TRA2A: variants seen among roughly 807,000 people sequenced by gnomAD.
The protein encoded by TRA2A is transformer 2 alpha homolog.
TRA2A carries 31 observed loss-of-function variants against 45.7 expected under a neutral mutation model. The ratio of observed to expected loss-of-function variants is 0.68; its 90% confidence interval spans 0.51 to 0.92. The LOEUF (loss-of-function observed/expected upper bound fraction) is 0.92. Among genes scored for constraint, TRA2A ranks in the 40% least tolerant of loss-of-function variants. The pLI, the probability that TRA2A is intolerant of heterozygous loss-of-function variation, is 0.00. For synonymous variants in TRA2A, 132 were observed against 126.2 expected (o/e 1.05, Z -0.31); for missense variants, 304 against 367.5 (o/e 0.83, Z 1.41).
intron 1 of TRA2A, among the ~76,000 whole-genome samples, chr7:23,530,277 T>TC (rs1485556016): frequency 1.3e-5 from 2 of 152,152 alleles, no homozygotes; most frequent in Non-Finnish European, 2.9e-5. Context: ...GTTTCCATGC[T>TC]CCAAACTTTG....
At chr7:23,517,477 CAAAAAAAAAAAAAA>C (rs70954385) in intron 2 of TRA2A, among the ~76,000 whole-genome samples, 2 of 13,940 alleles carry the variant, frequency 1.4e-4, no homozygotes, top group South Asian at 2.5e-3. Flanking sequence ...GACTACGTCT[CAAAAAAAAAAAAAA>C]AAAAAAAAAA....
chr7:23,528,656 C>A (rs1790439878), intron 1 of TRA2A, among the ~76,000 whole-genome samples: 1 of 151,682 alleles, frequency 6.6e-6, no homozygotes, highest in African/African-American at 2.4e-5. Context: ...CAAATTGATA[C>A]AGATAAATTT....
At chr7:23,520,133 T>A (rs1054209069) in intron 2 of TRA2A, among the ~76,000 whole-genome samples, 1 of 152,000 alleles carries the variant, frequency 6.6e-6, no homozygotes, top group Non-Finnish European at 1.5e-5. Flanking sequence ...GGAGAACTGC[T>A]TGAACCCGGG....
intron 3 of TRA2A, among the ~76,000 whole-genome samples, chr7:23,513,920 G>A (rs1392946904): frequency 6.6e-6 from 1 of 152,030 alleles, no homozygotes; most frequent in Non-Finnish European, 1.5e-5. Context: ...TGTTGAGAAA[G>A]GTAAAAACAC....
intron 1 of TRA2A, 102 bp from the exon 2 acceptor site, chr7:23,521,942 C>G: frequency 6.6e-7 from 1 of 1,517,800 alleles, no homozygotes; most frequent in Non-Finnish European, 8.9e-7. Flanking sequence ...TCCTGAAAAA[C>G]AAATGGTTAG....
intron 3 of TRA2A, among the ~76,000 whole-genome samples, chr7:23,515,027 A>AT (rs1300148574): frequency 2.6e-5 from 4 of 151,832 alleles, no homozygotes; most frequent in African/African-American, 7.3e-5. Flanking sequence ...CCAAGACTCA[A>AT]TTTTTTTTAT....
chr7:23,511,587 G>A (rs937672203), intron 4 of TRA2A, among the ~76,000 whole-genome samples: 1 of 151,746 alleles, frequency 6.6e-6, no homozygotes, highest in Non-Finnish European at 1.5e-5. Context: ...TTTTAGTAAA[G>A]AGTAAGCGAG....
chr7:23,529,935 G>A (rs1220840417), intron 1 of TRA2A, among the ~76,000 whole-genome samples: 1 of 150,320 alleles, frequency 6.7e-6, no homozygotes, highest in Non-Finnish European at 1.5e-5. Flanking sequence ...TTCTTAGGAG[G>A]GAAAAGTGAC....
Position 23,521,816 on chromosome 7 carries a change from G to T in TRA2A, c.61C>A (p.Pro21Thr). ...TTTACACGAGCAGGAGTTCCCGTTG[G>T]AGATTTTGACTGAGAGCGAGACTCC... ...GRESRSQSKS[P>T]TGTPARVKSE... The change falls in exon 2 of 8, where the codon CCA becomes ACA. Residue 21 changes from proline to threonine, a missense_variant. By Grantham distance (38) the Pro-to-Thr change is conservative. Transcript: ENST00000297071. 3 of 1,614,118 alleles carry T rather than the reference G, an allele frequency of 1.9e-6. No individual in the cohort carries two copies. The highest frequency in any genetic ancestry group is 2.5e-6 in the Non-Finnish European group (3 of 1,180,042).
intron 4 of TRA2A, among the ~76,000 whole-genome samples, chr7:23,508,216 C>T (rs1043156328): frequency 3.5e-5 from 5 of 144,756 alleles, no homozygotes; most frequent in African/African-American, 1.3e-4. Flanking sequence ...AAAAACTACA[C>T]AATTTTTATG....
intron 3 of TRA2A, 124 bp downstream of exon 3, chr7:23,516,236 GCTT>G: frequency 1.2e-6 from 1 of 838,260 alleles, no homozygotes; most frequent in Non-Finnish European, 1.8e-6. Flanking sequence ...AGCTAAAGCA[GCTT>G]ATTAAGGATG....
At chr7:23,511,370 C>CAAAAAAAAAAAAAAAAAAAAAAAA (rs567187750) in intron 4 of TRA2A, among the ~76,000 whole-genome samples, 1 of 40,116 alleles carries the variant, frequency 2.5e-5, no homozygotes, top group Non-Finnish European at 4.6e-5. Flanking sequence ...GACTCCATCT[C>CAAAAAAAAAAAAAAAAAAAAAAAA]AAAAAAAAAA....
At chr7:23,519,096 T>TA (rs1284955947) in intron 2 of TRA2A, among the ~76,000 whole-genome samples, 4 of 152,300 alleles carry the variant, frequency 2.6e-5, no homozygotes, top group East Asian at 1.9e-4. Flanking sequence ...TCTTTGCCTG[T>TA]AAGACTAATC....
chr7:23,519,558 AAAACAAAC>A (rs148837667), intron 2 of TRA2A, among the ~76,000 whole-genome samples: 7 of 152,006 alleles, frequency 4.6e-5, no homozygotes, highest in African/African-American at 1.7e-4. Flanking sequence ...TCCATCTCAA[AAAACAAAC>A]AAACAAACAA....
rs543547581 is a variant in TRA2A at position 23,508,239 on chromosome 7, T to C, written c.526-704A>G. On this transcript the variant is annotated intron_variant, in intron 4 of 7. Transcript: ENST00000297071. ...CACAATTTTTATGTATCCACAAATA[T>C]TTCTCCGTAAGAGTGTCCCATAAAC... Among the ~76,000 whole-genome samples, 3 of 148,374 alleles carry C rather than the reference T, an allele frequency of 2.0e-5. No homozygotes were observed. In the East Asian group the frequency reaches 5.9e-4, roughly 29 times the overall value.
chr7:23,531,763 G>A, intron 1 of TRA2A, 26 bp downstream of exon 1: 1 of 1,612,686 alleles, frequency 6.2e-7, no homozygotes, highest in Non-Finnish European at 8.5e-7. Context: ...CCGCCGCCTA[G>A]ACGGCTCCCG....
intron 3 of TRA2A, among the ~76,000 whole-genome samples, chr7:23,514,309 C>A (rs1440506719): frequency 2.0e-5 from 3 of 152,070 alleles, no homozygotes; most frequent in African/African-American, 4.8e-5. Flanking sequence ...CTCAGGTGAT[C>A]CACCCCACCC....
In TRA2A at chr7:23,505,543, T is replaced by C. The variant is rs369520927; in HGVS notation, c.*16A>G. ...AAAGAGGAAAAAAAATGTCCTTAAT[T>C]GCAACCATTCCGTTATCAATAGCGT... On this transcript the variant is annotated 3_prime_UTR_variant, in exon 8 of 8. Coordinates refer to ENST00000297071, the MANE Select transcript of TRA2A (RefSeq NM_013293.5). 1.3e-5 allele frequency: 6 copies of C among 461,330 alleles called. No homozygotes were observed. The highest frequency in any genetic ancestry group is 1.3e-4 in the African/African-American group (5 of 38,658). The allele number at this position is 461,330 out of a possible 1,614,324, so 28.6% of individuals were successfully genotyped here. A position where few individuals can be genotyped will look rare whatever the true frequency, so the allele number is the denominator to read the frequency against.
chr7:23,517,468 ACTACGT>A lies in TRA2A; in HGVS notation c.171-946_171-941del, dbSNP rs1473423390. ...ACTCCAGCCTGGGCGACAGAGCAAG[ACTACGT>A]CTCAAAAAAAAAAAAAAAAAAAAAA... On this transcript the variant is annotated intron_variant, in intron 2 of 7. Transcript: ENST00000297071. 2.0e-4 allele frequency among the ~76,000 whole-genome samples: 26 copies of A among 131,762 alleles called. 1 individual carries two copies. The South Asian group carries it at 5.1e-3, about 26-fold the overall frequency. The allele number at this position is 131,762 out of a possible 152,430, so 86.4% of individuals were successfully genotyped here. A position where few individuals can be genotyped will look rare whatever the true frequency, so the allele number is the denominator to read the frequency against.
Sources: allele counts gnomAD v4.1 joint callset (sites outside exome capture counted in the v4.1 genomes callset), GRCh38; gene constraint gnomAD v4.1.1; transcripts MANE v1.5; gene names NCBI Gene and HGNC (gene_info 2026-07-23, HGNC 2026-07-21).